The following MATCAP2 variants were observed in gnomAD, a reference collection of about 807,000 sequenced individuals.
MATCAP2 encodes microtubule associated tyrosine carboxypeptidase 2.
At chr7:36,369,569 A>C in the MATCAP2 span, among the ~76,000 whole-genome samples, 2 of 152,230 alleles carry the variant, frequency 1.3e-5, no homozygotes, top group African/African-American at 4.8e-5. Context: ...CAGTGCTTTT[A>C]CTAAAGTATG....
At chr7:36,334,503 C>T in the MATCAP2 span, among the ~76,000 whole-genome samples, 2 of 125,984 alleles carry the variant, frequency 1.6e-5, no homozygotes, top group Non-Finnish European at 3.1e-5. Context: ...GCCACTGTGC[C>T]CAAGAATGGG....
chr7:36,343,352 G>C, the MATCAP2 span, among the ~76,000 whole-genome samples: 3 of 98,128 alleles, frequency 3.1e-5, no homozygotes, highest in African/African-American at 1.3e-4. Context: ...GAGGGGAGCA[G>C]AGGGGAAGGG....
chr7:36,338,679 G>A, the MATCAP2 span, among the ~76,000 whole-genome samples: 1 of 151,512 alleles, frequency 6.6e-6, no homozygotes, highest in East Asian at 1.9e-4. Flanking sequence ...TGAACTCAAG[G>A]TCAAGTGATC....
At chr7:36,357,014 A>G in the MATCAP2 span, 1 of 1,614,106 alleles carries the variant, frequency 6.2e-7, no homozygotes, top group Non-Finnish European at 8.5e-7. Flanking sequence ...GAAGAATCTC[A>G]GTTTTTCTTT....
the MATCAP2 span, among the ~76,000 whole-genome samples, chr7:36,379,839 C>CAGAGAGAGAGAGAGAG: frequency 2.3e-5 from 3 of 131,494 alleles, no homozygotes; most frequent in East Asian, 6.0e-4. Context: ...CACACACACA[C>CAGAGAGAGAGAGAGAG]ACACACACAG....
chr7:36,347,132 G>C, the MATCAP2 span, among the ~76,000 whole-genome samples: 1 of 152,076 alleles, frequency 6.6e-6, no homozygotes, highest in Non-Finnish European at 1.5e-5. Context: ...TATGACATGT[G>C]AATTGTATCT....
the MATCAP2 span, among the ~76,000 whole-genome samples, chr7:36,381,490 G>A: frequency 6.6e-6 from 1 of 151,998 alleles, no homozygotes; most frequent in Non-Finnish European, 1.5e-5. Flanking sequence ...GGCCAACATG[G>A]TGAAACCCTG....
chr7:36,369,380 A>G, the MATCAP2 span, among the ~76,000 whole-genome samples: 1 of 152,234 alleles, frequency 6.6e-6, no homozygotes, highest in African/African-American at 2.4e-5. Context: ...AAGGCTCTAA[A>G]TTAACCATGC....
At chr7:36,353,741 A>G in the MATCAP2 span, among the ~76,000 whole-genome samples, 1 of 152,144 alleles carries the variant, frequency 6.6e-6, no homozygotes, top group Non-Finnish European at 1.5e-5. Context: ...TCGGACTCCC[A>G]AAGTGCTGGG....
the MATCAP2 span, among the ~76,000 whole-genome samples, chr7:36,379,805 A>G: frequency 7.0e-6 from 1 of 143,594 alleles, no homozygotes; most frequent in African/African-American, 2.6e-5. Context: ...TTGTAACACA[A>G]TGGTAAGTAC....
the MATCAP2 span, among the ~76,000 whole-genome samples, chr7:36,360,248 C>T: frequency 6.6e-6 from 1 of 152,234 alleles, no homozygotes; most frequent in East Asian, 1.9e-4. Context: ...CGTAAAGCAT[C>T]AGTGACCTCC....
the MATCAP2 span, among the ~76,000 whole-genome samples, chr7:36,375,079 C>T: frequency 3.3e-5 from 5 of 152,226 alleles, no homozygotes; most frequent in African/African-American, 9.6e-5. Context: ...TGGATCAAAT[C>T]GTATTTCTAG....
At chr7:36,364,705 G>A in the MATCAP2 span, among the ~76,000 whole-genome samples, 1 of 152,274 alleles carries the variant, frequency 6.6e-6, no homozygotes, top group Non-Finnish European at 1.5e-5. Flanking sequence ...GAATGACCAG[G>A]GGAGAGGAGG....
At chr7:36,388,385 G>A in the MATCAP2 span, among the ~76,000 whole-genome samples, 2 of 151,502 alleles carry the variant, frequency 1.3e-5, no homozygotes, top group Admixed American at 6.6e-5. Flanking sequence ...ACCTCTTGCC[G>A]TGATTTCAGT....
the MATCAP2 span, among the ~76,000 whole-genome samples, chr7:36,352,092 C>A: frequency 6.6e-6 from 1 of 151,366 alleles, no homozygotes; most frequent in Non-Finnish European, 1.5e-5. Flanking sequence ...AACATCAAAC[C>A]CTTTCTTAAA....
At chr7:36,334,701 A>G in the MATCAP2 span, among the ~76,000 whole-genome samples, 3 of 152,280 alleles carry the variant, frequency 2.0e-5, no homozygotes, top group East Asian at 1.9e-4. Flanking sequence ...TATAACCTTT[A>G]TAACAATTTA....
the MATCAP2 span, among the ~76,000 whole-genome samples, chr7:36,342,117 T>C: frequency 6.6e-6 from 1 of 152,132 alleles, no homozygotes; most frequent in Non-Finnish European, 1.5e-5. Context: ...TATTTCAGTG[T>C]TTGTGGAAGC....
the MATCAP2 span, among the ~76,000 whole-genome samples, chr7:36,352,650 G>C: frequency 3.3e-5 from 5 of 151,626 alleles, no homozygotes; most frequent in African/African-American, 1.2e-4. Context: ...CAACAGATGA[G>C]GTGAAATGTC....
chr7:36,363,914 C>T, the MATCAP2 span, among the ~76,000 whole-genome samples: 2 of 151,860 alleles, frequency 1.3e-5, no homozygotes, highest in Non-Finnish European at 2.9e-5. Flanking sequence ...ATAGAAACAC[C>T]GCATGGAAAA....
Sources: gnomAD v4.1 joint callset for allele counts (sites outside exome capture counted in the v4.1 genomes callset) on GRCh38, gnomAD v4.1.1 for gene constraint, MANE v1.5 for transcripts, NCBI Gene and HGNC (gene_info 2026-07-23, HGNC 2026-07-21) for gene names.